The following ROBO2 variants were observed in gnomAD, a reference collection of about 807,000 sequenced individuals.
ROBO2 encodes the protein roundabout homolog 2.
ROBO2 carries 53 observed loss-of-function variants against 160.8 expected under a neutral mutation model. The ratio of observed to expected loss-of-function variants is 0.33; its 90% confidence interval spans 0.26 to 0.41. The LOEUF (loss-of-function observed/expected upper bound fraction) is 0.41. ROBO2 is among the 10% of genes least tolerant of loss of function. The probability of loss-of-function intolerance (pLI) is 1.00; values close to 1 mark genes in which losing one functional copy is unlikely to be tolerated. For missense variants in ROBO2, 1,577 were observed against 1,722.4 expected, an observed-to-expected ratio of 0.92 and a Z score of 1.49; for synonymous variants, 664 against 611.7, an observed-to-expected ratio of 1.09 and a Z score of -1.26.
chr3:77,174,580 G>A (rs770890197), intron 2 of ROBO2, among the ~76,000 whole-genome samples: 12 of 151,950 alleles, frequency 7.9e-5, no homozygotes, highest in Non-Finnish European at 1.8e-4. Context: ...GGAAGTTATT[G>A]TATGTGAATT....
At chr3:76,279,112 AT>A (rs1296289480) in intron 2 of ROBO2, among the ~76,000 whole-genome samples, 9 of 151,138 alleles carry the variant, frequency 6.0e-5, no homozygotes, top group Admixed American at 2.0e-4. Context: ...CATCAGATAA[AT>A]ATATGGATAT....
intron 2 of ROBO2, among the ~76,000 whole-genome samples, chr3:77,451,641 A>G (rs1023833458): frequency 8.5e-5 from 13 of 152,210 alleles, no homozygotes; most frequent in Non-Finnish European, 1.9e-4. Flanking sequence ...ATTACCAGCC[A>G]AAATGTGCAA....
At chr3:76,007,949 T>C (rs1468371137) in intron 2 of ROBO2, among the ~76,000 whole-genome samples, 1 of 151,950 alleles carries the variant, frequency 6.6e-6, no homozygotes, top group East Asian at 1.9e-4. Context: ...TTTTTAAAAC[T>C]GATGCTAAAT....
intron 2 of ROBO2, among the ~76,000 whole-genome samples, chr3:76,332,410 A>C (rs1382097293): frequency 6.6e-6 from 1 of 152,142 alleles, no homozygotes; most frequent in Admixed American, 6.6e-5. Flanking sequence ...TTCGTCAAAA[A>C]TTTTTGTTAT....
intron 2 of ROBO2, among the ~76,000 whole-genome samples, chr3:76,834,577 G>A (rs1156895168): frequency 1.3e-5 from 2 of 151,984 alleles, no homozygotes; most frequent in African/African-American, 4.8e-5. Flanking sequence ...TCAACATGTT[G>A]GCAAGGCTGG....
chr3:77,295,034 A>G (rs1176974857), intron 2 of ROBO2, among the ~76,000 whole-genome samples: 1 of 151,764 alleles, frequency 6.6e-6, no homozygotes, highest in Non-Finnish European at 1.5e-5. Context: ...CAAAGACTTA[A>G]AGAAAAATTG....
intron 20 of ROBO2, 64 bp downstream of exon 21, chr3:77,602,555 A>T (rs900020895): frequency 6.3e-7 from 1 of 1,577,748 alleles, no homozygotes; most frequent in African/African-American, 1.3e-5. Context: ...GATAGAAATT[A>T]GTATTTGTTG....
intron 2 of ROBO2, among the ~76,000 whole-genome samples, chr3:76,114,494 A>G (rs2070375364): frequency 6.6e-6 from 1 of 152,118 alleles, no homozygotes; most frequent in South Asian, 2.1e-4. Flanking sequence ...TAGAATGTCA[A>G]TATTATTTAT....
At chr3:76,898,169 T>G (rs1474336974) in intron 2 of ROBO2, among the ~76,000 whole-genome samples, 4 of 152,096 alleles carry the variant, frequency 2.6e-5, no homozygotes, top group Non-Finnish European at 5.9e-5. Flanking sequence ...AATTATTACA[T>G]CTCATGGAAA....
chr3:76,654,087 A>C (rs1560311273), intron 2 of ROBO2, among the ~76,000 whole-genome samples: 1 of 152,140 alleles, frequency 6.6e-6, no homozygotes, highest in Non-Finnish European at 1.5e-5. Flanking sequence ...ACTTTCTGTA[A>C]TCTAAGCACT....
intron 2 of ROBO2, among the ~76,000 whole-genome samples, chr3:77,225,855 A>G (rs2086431342): frequency 2.0e-5 from 3 of 152,080 alleles, no homozygotes. Context: ...TAGAATTTGT[A>G]CATATGACTT....
chr3:77,094,319 T>C (rs571863169), intron 1 of ROBO2, among the ~76,000 whole-genome samples: 1 of 152,374 alleles, frequency 6.6e-6, no homozygotes, highest in East Asian at 1.9e-4. Context: ...GCATGTATTA[T>C]TAATACTTCA....
At chr3:77,018,028 A>G (rs2062390003) in intron 2 of ROBO2, among the ~76,000 whole-genome samples, 1 of 152,150 alleles carries the variant, frequency 6.6e-6, no homozygotes, top group African/African-American at 2.4e-5. Flanking sequence ...TATCGCCTGC[A>G]TATAAAAAAG....
At position 76,201,452 on chromosome 3, in the gene ROBO2, G is replaced by A. The variant is rs543611452; in HGVS notation, c.109+263850G>A. On this transcript the variant is annotated intron_variant, in intron 2 of 26. Transcript: ENST00000487694. ...ACCTTAAGTTAGAGTTTTAGAAATC[G>A]AGAGATATTCTCCATACAAACTATC... Among the ~76,000 whole-genome samples the A allele has an allele frequency of 7.2e-5, 11 of 152,128 alleles. 2 individuals are homozygous for A. In the South Asian group the frequency reaches 1.4e-3, roughly 20 times the overall value.
intron 3 of ROBO2, among the ~76,000 whole-genome samples, chr3:77,478,982 G>A (rs960791996): frequency 6.6e-6 from 1 of 152,182 alleles, no homozygotes; most frequent in African/African-American, 2.4e-5. Flanking sequence ...ATATGTAAGT[G>A]CAAGGGAATC....
chr3:77,571,247 T>A (rs1176781922), intron 13 of ROBO2, among the ~76,000 whole-genome samples: 1 of 152,036 alleles, frequency 6.6e-6, no homozygotes, highest in Non-Finnish European at 1.5e-5. Context: ...TCACTTTGAA[T>A]TTTTGCTTTA....
At chr3:77,094,393 G>T (rs2070757034) in intron 1 of ROBO2, among the ~76,000 whole-genome samples, 1 of 152,072 alleles carries the variant, frequency 6.6e-6, no homozygotes, top group Admixed American at 6.6e-5. Context: ...CATTCATCAT[G>T]GATATTTATG....
At chr3:76,777,313 A>G (rs2062336250) in intron 2 of ROBO2, among the ~76,000 whole-genome samples, 13 of 151,100 alleles carry the variant, frequency 8.6e-5, no homozygotes, top group Admixed American at 8.6e-4. Flanking sequence ...CACTGTGAAA[A>G]GATTATTGAC....
chr3:76,314,498 G>T (rs2071837956), intron 2 of ROBO2, among the ~76,000 whole-genome samples: 1 of 151,778 alleles, frequency 6.6e-6, no homozygotes, highest in Non-Finnish European at 1.5e-5. Context: ...AATGACACAG[G>T]TTTGAACTGT....
Sources: allele counts gnomAD v4.1 joint callset (sites outside exome capture counted in the v4.1 genomes callset), GRCh38; gene constraint gnomAD v4.1.1; transcripts MANE v1.5; gene names NCBI Gene and HGNC (gene_info 2026-07-23, HGNC 2026-07-21).